The following ATP9B variants were observed in gnomAD, a reference collection of about 807,000 sequenced individuals.
The protein encoded by ATP9B is probable phospholipid-transporting ATPase IIB.
A neutral mutation model predicts 146.1 loss-of-function variants in ATP9B; 110 were observed. The observed-to-expected ratio is 0.75, with a 90% CI of 0.65 to 0.88. The LOEUF (loss-of-function observed/expected upper bound fraction) is 0.88. ATP9B is among the 40% of genes least tolerant of loss of function. The probability of loss-of-function intolerance (pLI) is 0.00; values close to 1 mark genes in which losing one functional copy is unlikely to be tolerated. For synonymous variants in ATP9B, 604 were observed against 569.7 expected, an observed-to-expected ratio of 1.06 and a Z score of -0.86; for missense variants, 1,499 against 1,496.4, an observed-to-expected ratio of 1.00 and a Z score of -0.03.
chr18:79,224,259 C>T (rs1384570785), intron 11 of ATP9B, among the ~76,000 whole-genome samples: 2 of 152,138 alleles, frequency 1.3e-5, no homozygotes, highest in Non-Finnish European at 2.9e-5. Flanking sequence ...AATGTATGGA[C>T]CTTGTGATAA....
intron 20 of ATP9B, among the ~76,000 whole-genome samples, chr18:79,343,507 G>A (rs1244459925): frequency 6.6e-6 from 1 of 151,940 alleles, no homozygotes; most frequent in East Asian, 1.9e-4. Context: ...TACTCTTTTA[G>A]GTTTTTTTAA....
At chr18:79,161,800 C>T (rs768758736) in intron 7 of ATP9B, among the ~76,000 whole-genome samples, 10 of 152,190 alleles carry the variant, frequency 6.6e-5, no homozygotes, top group Admixed American at 5.2e-4. Context: ...GAGCCGAGTT[C>T]GCACCACTGC....
intron 9 of ATP9B, among the ~76,000 whole-genome samples, chr18:79,198,580 T>TAC (rs1386531705): frequency 7.6e-6 from 1 of 130,796 alleles, no homozygotes; most frequent in Non-Finnish European, 1.6e-5. Flanking sequence ...TGTAGCCTAC[T>TAC]ACACACCTAG....
At chr18:79,237,689 T>TTTG (rs1491139655) in intron 11 of ATP9B, among the ~76,000 whole-genome samples, 1 of 142,774 alleles carries the variant, frequency 7.0e-6, no homozygotes, top group Non-Finnish European at 1.5e-5. Flanking sequence ...TTTTTTTTTT[T>TTTG]GGGGGGGGGT....
In ATP9B at chr18:79,348,124, C is replaced by T. The variant is rs1568780917; in HGVS notation, c.2839-8C>T. Reference sequence around the variant, plus strand: ...ACAGTTGTCTTCGTCTGTGGGCTCTCTCTCCAGGCTGTGTTTTCCTCAGTC... The same window carrying T: ...ACAGTTGTCTTCGTCTGTGGGCTCTTTCTCCAGGCTGTGTTTTCCTCAGTC... On this transcript the variant is annotated splice_polypyrimidine_tract_variant and splice_region_variant and intron_variant, in intron 24 of 29. Coordinates refer to ENST00000426216, the MANE Select transcript of ATP9B (RefSeq NM_198531.5). The T allele has an allele frequency of 1.2e-6, 2 of 1,613,942 alleles. No individual in the cohort carries two copies. Among genetic ancestry groups the T allele is most frequent in the Non-Finnish European group, 8.5e-7 (1 of 1,179,976 alleles).
intron 12 of ATP9B, among the ~76,000 whole-genome samples, chr18:79,262,613 A>G (rs1223361479): frequency 6.6e-6 from 1 of 152,232 alleles, no homozygotes. Flanking sequence ...CATGTTTTCC[A>G]GATTTTAAGG....
chr18:79,193,611 G>A (rs1268860829), intron 9 of ATP9B, among the ~76,000 whole-genome samples: 3 of 152,118 alleles, frequency 2.0e-5, no homozygotes, highest in African/African-American at 7.2e-5. Context: ...TGAGTTGGGT[G>A]GGTATTTATA....
intron 11 of ATP9B, among the ~76,000 whole-genome samples, chr18:79,231,776 GTGTATATATATATATA>G (rs1568455122): frequency 1.1e-5 from 1 of 94,984 alleles, no homozygotes; most frequent in African/African-American, 4.1e-5. Flanking sequence ...ATGTGTGTGT[GTGTATATATATATATA>G]TATATATATA....
intron 8 of ATP9B, among the ~76,000 whole-genome samples, chr18:79,187,186 A>G (rs2095315556): frequency 6.6e-6 from 1 of 152,198 alleles, no homozygotes; most frequent in Non-Finnish European, 1.5e-5. Context: ...CTGTGTATGA[A>G]ATCACTTTCT....
At chr18:79,070,047 T>C (rs1242389101) in intron 1 of ATP9B, among the ~76,000 whole-genome samples, 1 of 152,234 alleles carries the variant, frequency 6.6e-6, no homozygotes, top group Non-Finnish European at 1.5e-5. Context: ...TGTCGACAAG[T>C]AATTTTGCTT....
chr18:79,299,575 C>T (rs2096576263), intron 13 of ATP9B, among the ~76,000 whole-genome samples: 1 of 152,210 alleles, frequency 6.6e-6, no homozygotes, highest in African/African-American at 2.4e-5. Flanking sequence ...GCCTCTCTCC[C>T]TGTTATGCTG....
chr18:79,335,706 G>A (rs565520155), intron 17 of ATP9B, among the ~76,000 whole-genome samples: 19 of 152,210 alleles, frequency 1.2e-4, no homozygotes, highest in East Asian at 1.9e-4. Flanking sequence ...CACTAACTGC[G>A]CTTACTGCTC....
At chr18:79,224,860 T>A (rs1471226364) in intron 11 of ATP9B, among the ~76,000 whole-genome samples, 6 of 152,108 alleles carry the variant, frequency 3.9e-5, no homozygotes, top group Non-Finnish European at 2.9e-5. Context: ...GGGTTATGGC[T>A]GCAGCTAGGA....
intron 12 of ATP9B, among the ~76,000 whole-genome samples, chr18:79,255,687 C>G (rs938925474): frequency 6.6e-6 from 1 of 152,224 alleles, no homozygotes; most frequent in Non-Finnish European, 1.5e-5. Flanking sequence ...GACACTGCAG[C>G]CTTGCTCACT....
chr18:79,145,514 G>C (rs12955181), intron 6 of ATP9B: 6 of 85,414 alleles, frequency 7.0e-5, no homozygotes, highest in South Asian at 3.5e-4. Flanking sequence ...GGGGGAGCTG[G>C]CGGTGTGCAG....
chr18:79,326,912 C>T (rs1306660800), intron 15 of ATP9B, among the ~76,000 whole-genome samples: 7 of 151,640 alleles, frequency 4.6e-5, no homozygotes, highest in Non-Finnish European at 1.5e-5. Flanking sequence ...CCTCACACCT[C>T]ATTTCTCGAA....
chr18:79,266,321 A>G (rs1477883196), intron 12 of ATP9B, among the ~76,000 whole-genome samples: 1 of 152,100 alleles, frequency 6.6e-6, no homozygotes, highest in Non-Finnish European at 1.5e-5. Flanking sequence ...ATTATTGACT[A>G]TCAATCTTGG....
chr18:79,138,199 T>C (rs967802783), intron 5 of ATP9B, among the ~76,000 whole-genome samples: 2 of 152,234 alleles, frequency 1.3e-5, no homozygotes, highest in African/African-American at 4.8e-5. Flanking sequence ...TAAGAAATTT[T>C]AGAATTAGCT....
At chr18:79,348,047 G>T (rs1333442129) in intron 24 of ATP9B, 85 bp from the exon 25 acceptor site, 2 of 1,605,058 alleles carry the variant, frequency 1.2e-6, no homozygotes, top group East Asian at 4.5e-5. Flanking sequence ...GCTGTGCTTA[G>T]GAGTTAGCGA....
Sources: allele counts gnomAD v4.1 joint callset (sites outside exome capture counted in the v4.1 genomes callset), GRCh38; gene constraint gnomAD v4.1.1; transcripts MANE v1.5; gene names NCBI Gene and HGNC (gene_info 2026-07-23, HGNC 2026-07-21).